The following TMLHE variants were observed in gnomAD, a reference collection of about 807,000 sequenced individuals.
The protein encoded by TMLHE is trimethyllysine dioxygenase, mitochondrial.
Under a neutral mutation model 25.7 loss-of-function variants are expected in TMLHE, and 18 were observed. The ratio of observed to expected loss-of-function variants is 0.70; its 90% CI spans 0.48 to 1.04. The LOEUF (loss-of-function observed/expected upper bound fraction) is 1.04. TMLHE is among the 50% of genes least tolerant of loss of function. The probability of loss-of-function intolerance (pLI) is 0.00; values close to 1 mark genes in which losing one functional copy is unlikely to be tolerated. For synonymous variants in TMLHE, 105 were observed against 97.0 expected, an observed-to-expected ratio of 1.08 and a Z score of -0.49; for missense variants, 236 against 259.0, an observed-to-expected ratio of 0.91 and a Z score of 0.61.
At chrX:155,555,536 C>T (rs1412694534) in intron 1 of TMLHE, among the ~76,000 whole-genome samples, 1 of 110,462 alleles carries the variant, frequency 9.1e-6, no homozygotes, top group African/African-American at 3.3e-5. Context: ...CTCTCCAGCA[C>T]CTGTTGTTTC....
At chrX:155,598,425 T>C (rs887788115) in intron 1 of TMLHE, among the ~76,000 whole-genome samples, 54 of 107,710 alleles carry the variant, frequency 5.0e-4, no homozygotes, top group African/African-American at 1.5e-3. Context: ...AGCTGGAAAC[T>C]ATCATTCTCA....
intron 3 of TMLHE, among the ~76,000 whole-genome samples, chrX:155,516,959 G>T (rs1431358417): frequency 3.2e-5 from 2 of 63,245 alleles, no homozygotes; most frequent in African/African-American, 9.2e-5. Flanking sequence ...TTTCTCCCAT[G>T]TTGTAGGTTG....
chrX:155,612,229 C>G (rs1333429400), intron 1 of TMLHE: 1 of 111,908 alleles, frequency 8.9e-6, no homozygotes, highest in Non-Finnish European at 1.9e-5. Context: ...ACTTCCTAGC[C>G]TAACTTACTT....
chrX:155,504,693 G>C (rs1279521942), intron 6 of TMLHE, among the ~76,000 whole-genome samples: 1 of 111,328 alleles, frequency 9.0e-6, no homozygotes, highest in African/African-American at 3.3e-5. Flanking sequence ...ATTTACCTTA[G>C]TGAAATGAAA....
rs782266903 is a variant in TMLHE, at chrX:155,569,636, C to G, written c.-1-24359G>C. ...AGCCCATCAGACTAACAGTGGATCT[C>G]TCGGCAGAAACCCTACAAGCCAGAA... is the stretch of plus-strand genomic sequence containing the variant. On this transcript the variant is annotated intron_variant, in intron 1 of 7. Coordinates refer to ENST00000334398, the MANE Select transcript of TMLHE (RefSeq NM_018196.4). 1.1e-4 allele frequency among the ~76,000 whole-genome samples: 6 copies of G among 55,661 alleles called. 1 individual carries two copies. In the South Asian group the frequency reaches 4.2e-3, roughly 39 times the overall value. The allele number at this position is 55,661 out of a possible 115,157, so 48.3% of individuals were successfully genotyped here. A position where few individuals can be genotyped will look rare whatever the true frequency, so the allele number is the denominator to read the frequency against.
chrX:155,571,628 T>C lies in TMLHE; in HGVS notation c.-1-26351A>G, dbSNP rs1253011500. 9.1e-5 allele frequency among the ~76,000 whole-genome samples: 4 copies of C among 43,887 alleles called. 1 individual carries two copies. Among genetic ancestry groups the C allele is most frequent in the African/African-American group, 2.2e-4 (4 of 18,528 alleles). The allele number at this position is 43,887 out of a possible 115,157, so 38.1% of individuals were successfully genotyped here. ...GAATCCAGCAGCACATCAAAAAGCTTATCCACCATGATCAAGTGGGCTTCA... is the reference window on the plus strand; with the variant it reads ...GAATCCAGCAGCACATCAAAAAGCTCATCCACCATGATCAAGTGGGCTTCA... On this transcript the variant is annotated intron_variant, in intron 1 of 7. Coordinates refer to ENST00000334398, the MANE Select transcript of TMLHE (RefSeq NM_018196.4).
At chrX:155,548,469 C>T (rs1158812563) in intron 1 of TMLHE, among the ~76,000 whole-genome samples, 9 of 110,681 alleles carry the variant, frequency 8.1e-5, no homozygotes, top group African/African-American at 1.3e-4. Context: ...GGCACGGTGG[C>T]TCATGCCTGA....
chrX:155,527,851 G>A (rs2067228461), intron 2 of TMLHE, among the ~76,000 whole-genome samples: 1 of 111,519 alleles, frequency 9.0e-6, no homozygotes, highest in Admixed American at 9.6e-5. Flanking sequence ...CTTCTGTTCT[G>A]CAAACAATAT....
At chrX:155,514,358 C>G in intron 3 of TMLHE, 93 bp from the exon 4 acceptor site, 2 of 944,524 alleles carry the variant, frequency 2.1e-6, no homozygotes, top group South Asian at 2.5e-5. Context: ...TTTTTCCTAG[C>G]AATCAGTTAT....
intron 6 of TMLHE, among the ~76,000 whole-genome samples, chrX:155,505,501 T>C (rs1285575064): frequency 2.7e-5 from 3 of 111,155 alleles, no homozygotes; most frequent in Admixed American, 9.6e-5. Context: ...AACTGGAAAC[T>C]CATGACTAGC....
chrX:155,525,414 G>T (rs1299959914), intron 2 of TMLHE, among the ~76,000 whole-genome samples: 1 of 112,239 alleles, frequency 8.9e-6, no homozygotes, highest in Middle Eastern at 4.2e-3. Flanking sequence ...CTGCAGAACT[G>T]TGAGTCAATT....
chrX:155,572,780 C>A (rs1298355877), intron 1 of TMLHE, among the ~76,000 whole-genome samples: 2 of 56,282 alleles, frequency 3.6e-5, no homozygotes, highest in African/African-American at 8.5e-5. Context: ...ACTGGCTAGC[C>A]ATATGTAGAA....
chrX:155,604,443 A>G (rs1373971667), intron 1 of TMLHE, among the ~76,000 whole-genome samples: 1 of 111,730 alleles, frequency 9.0e-6, no homozygotes. Flanking sequence ...CCACCCCAGG[A>G]TGAATGCTCC....
In TMLHE at chrX:155,538,045, T is replaced by A. The variant is rs191901370; in HGVS notation, c.181+7051A>T. On this transcript the variant is annotated intron_variant, in intron 2 of 7. Transcript: ENST00000334398. Reference sequence around the variant, plus strand: ...ATATCATCATTAACTATAGTCATTTTGCTGTATGATAGATCTCTTGAAATG... The same window carrying A: ...ATATCATCATTAACTATAGTCATTTAGCTGTATGATAGATCTCTTGAAATG... 6.0e-3 allele frequency among the ~76,000 whole-genome samples: 666 copies of A among 111,397 alleles called. 3 individuals carry two copies. Among genetic ancestry groups the A allele is most frequent in the African/African-American group, 0.02 (611 of 30,655 alleles).
At chrX:155,586,510 A>G (rs185502786) in intron 1 of TMLHE, among the ~76,000 whole-genome samples, 5 of 111,824 alleles carry the variant, frequency 4.5e-5, no homozygotes, top group African/African-American at 1.6e-4. Context: ...AAGAGAAAAA[A>G]TAATAAAGAT....
chrX:155,580,910 T>C (rs2067622937), intron 1 of TMLHE, among the ~76,000 whole-genome samples: 1 of 111,939 alleles, frequency 8.9e-6, no homozygotes, highest in Admixed American at 9.5e-5. Context: ...TGAACATCGA[T>C]GCAAAAATCC....
chrX:155,584,725 A>T (rs1416879964), intron 1 of TMLHE, among the ~76,000 whole-genome samples: 1 of 109,828 alleles, frequency 9.1e-6, no homozygotes, highest in Admixed American at 9.7e-5. Context: ...CAATGTCCTG[A>T]AAGAAAAAAA....
intron 1 of TMLHE, among the ~76,000 whole-genome samples, chrX:155,560,618 CAGAGGGGA>C (rs2067490906): frequency 1.9e-5 from 1 of 53,517 alleles, no homozygotes; most frequent in African/African-American, 4.0e-5. Context: ...GTAGACTAGG[CAGAGGGGA>C]TAGCCAATGC....
At chrX:155,568,211 C>T (rs781925341) in intron 1 of TMLHE, among the ~76,000 whole-genome samples, 3 of 61,707 alleles carry the variant, frequency 4.9e-5, no homozygotes, top group African/African-American at 1.1e-4. Flanking sequence ...GAGGGTCCTA[C>T]GCCCACGGAG....
Sources: gnomAD v4.1 joint callset for allele counts (sites outside exome capture counted in the v4.1 genomes callset) on GRCh38, gnomAD v4.1.1 for gene constraint, MANE v1.5 for transcripts, NCBI Gene and HGNC (gene_info 2026-07-23, HGNC 2026-07-21) for gene names.